NXPE2: variants seen among roughly 807,000 people sequenced by gnomAD.
NXPE2 encodes neurexophilin and PC-esterase domain family member 2.
NXPE2 carries 34 observed loss-of-function variants against 34.4 expected under a neutral mutation model. The ratio of observed to expected loss-of-function variants is 0.99; its 90% confidence interval spans 0.75 to 1.31. The LOEUF is 1.31. Ranked by LOEUF, NXPE2 falls within the 40% of genes most tolerant of loss-of-function variation. The pLI, the probability that NXPE2 is intolerant of heterozygous loss-of-function variation, is 0.00. For synonymous variants in NXPE2, 235 were observed against 231.3 expected (o/e 1.02, Z -0.15); for missense variants, 649 against 672.5 (o/e 0.97, Z 0.39).
At chr11:114,601,010 C>T in the NXPE2 span, among the ~76,000 whole-genome samples, 5 of 152,050 alleles carry the variant, frequency 3.3e-5, no homozygotes, top group African/African-American at 9.6e-5. Flanking sequence ...CAGGTTGATG[C>T]TGCCACTTGA....
chr11:114,557,201 T>G, the NXPE2 span, among the ~76,000 whole-genome samples: 79 of 152,284 alleles, frequency 5.2e-4, no homozygotes, highest in African/African-American at 1.8e-3. Flanking sequence ...GCCCCCTTTT[T>G]GACCTCTTGT....
the NXPE2 span, chr11:114,522,501 G>T: frequency 6.3e-7 from 1 of 1,581,072 alleles, no homozygotes; most frequent in South Asian, 1.2e-5. Context: ...AAAAACTTCA[G>T]TGCTGATAAA....
At chr11:114,533,404 T>C in the NXPE2 span, among the ~76,000 whole-genome samples, 1 of 152,156 alleles carries the variant, frequency 6.6e-6, no homozygotes. Flanking sequence ...CTGAGGTACT[T>C]GGTTCATCTC....
the NXPE2 span, among the ~76,000 whole-genome samples, chr11:114,621,427 T>C: frequency 6.6e-6 from 1 of 152,164 alleles, no homozygotes; most frequent in African/African-American, 2.4e-5. Context: ...TAATAAGTAT[T>C]GCCTCTAAGG....
At chr11:114,590,642 A>G in the NXPE2 span, among the ~76,000 whole-genome samples, 3 of 152,198 alleles carry the variant, frequency 2.0e-5, no homozygotes, top group African/African-American at 7.2e-5. Flanking sequence ...TGTATCAGAA[A>G]GGAAAGGAAT....
At chr11:114,601,485 ATATT>A in the NXPE2 span, among the ~76,000 whole-genome samples, 1 of 118,716 alleles carries the variant, frequency 8.4e-6, no homozygotes, top group South Asian at 2.2e-4. Flanking sequence ...TATAAATTAA[ATATT>A]TATTATATAG....
At chr11:114,594,697 C>A in the NXPE2 span, 10 of 1,603,818 alleles carry the variant, frequency 6.2e-6, no homozygotes, top group South Asian at 8.9e-5. Context: ...TAAAAATGAT[C>A]CAGGAGGCTA....
At chr11:114,665,781 TA>T in the NXPE2 span, among the ~76,000 whole-genome samples, 1 of 152,182 alleles carries the variant, frequency 6.6e-6, no homozygotes, top group African/African-American at 2.4e-5. Flanking sequence ...TGTGCAGGTT[TA>T]AAGTTTCTCC....
the NXPE2 span, chr11:114,522,302 G>A: frequency 1.2e-6 from 2 of 1,613,960 alleles, no homozygotes; most frequent in African/African-American, 1.3e-5. Flanking sequence ...CTGGCCAAAG[G>A]TGATGACGAT....
chr11:114,642,202 T>A, the NXPE2 span, among the ~76,000 whole-genome samples: 1 of 152,040 alleles, frequency 6.6e-6, no homozygotes, highest in Non-Finnish European at 1.5e-5. Context: ...ATTTTACTTC[T>A]GTGGTCCTTC....
the NXPE2 span, among the ~76,000 whole-genome samples, chr11:114,643,012 G>A: frequency 1.3e-5 from 2 of 152,122 alleles, no homozygotes; most frequent in African/African-American, 2.4e-5. Context: ...CTAATGACCA[G>A]TGATGATGAG....
At chr11:114,527,662 T>A in the NXPE2 span, among the ~76,000 whole-genome samples, 2 of 152,198 alleles carry the variant, frequency 1.3e-5, no homozygotes, top group Non-Finnish European at 2.9e-5. Flanking sequence ...CAAGATGTAA[T>A]CTCCTATAAA....
the NXPE2 span, among the ~76,000 whole-genome samples, chr11:114,547,742 A>AAAAGAAATGATGTAAC: frequency 1.3e-5 from 2 of 152,162 alleles, no homozygotes; most frequent in Non-Finnish European, 2.9e-5. Flanking sequence ...CTCAAAAAGG[A>AAAAGAAATGATGTAAC]AAAGAAATGA....
At chr11:114,741,610 C>T in the NXPE2 span, among the ~76,000 whole-genome samples, 1 of 152,076 alleles carries the variant, frequency 6.6e-6, no homozygotes, top group Non-Finnish European at 1.5e-5. Flanking sequence ...CCCTCTATTG[C>T]ATTTTTCTAT....
At chr11:114,652,280 A>G in the NXPE2 span, among the ~76,000 whole-genome samples, 1 of 152,200 alleles carries the variant, frequency 6.6e-6, no homozygotes, top group Non-Finnish European at 1.5e-5. Flanking sequence ...TGGAAGGGGA[A>G]ATGATGCCCT....
chr11:114,659,297 C>T, the NXPE2 span, among the ~76,000 whole-genome samples: 2,175 of 152,032 alleles, frequency 0.014, 43 homozygotes, highest in African/African-American at 0.05. Context: ...TCAGAGATGA[C>T]CAAATGTTGG....
the NXPE2 span, among the ~76,000 whole-genome samples, chr11:114,639,086 C>G: frequency 1.3e-5 from 2 of 152,204 alleles, no homozygotes; most frequent in South Asian, 2.1e-4. Context: ...CCTACAGAGG[C>G]AGGCAGCCCT....
the NXPE2 span, among the ~76,000 whole-genome samples, chr11:114,732,006 C>G: frequency 6.6e-6 from 1 of 152,138 alleles, no homozygotes; most frequent in South Asian, 2.1e-4. Flanking sequence ...CTGTGTTCTT[C>G]TGAAATGCCT....
In NXPE2 at chr11:114,704,000, A is replaced by T; in HGVS notation, c.876A>T (p.Ile292=). ...TTCCCATTTCTTGCAGGTCCAACAT[A>T]GGAGTTGAAATGATGAAGAACTTTA... ...EEWRLFHRSN[I]GVEMMKNFTP... Residue 292 remains isoleucine, a synonymous_variant, in exon 4 of 6, where the codon ATA becomes ATT. Coordinates refer to ENST00000389586, the MANE Select transcript of NXPE2 (RefSeq NM_182495.6). 1 of 1,551,206 alleles carries T rather than the reference A, an allele frequency of 6.4e-7. No individual in the cohort carries two copies. Among genetic ancestry groups the T allele is most frequent in the Non-Finnish European group, 8.7e-7 (1 of 1,146,064 alleles).
Sources: gnomAD v4.1 joint callset for allele counts (sites outside exome capture counted in the v4.1 genomes callset) on GRCh38, gnomAD v4.1.1 for gene constraint, MANE v1.5 for transcripts, NCBI Gene and HGNC (gene_info 2026-07-23, HGNC 2026-07-21) for gene names.